KDM4E: variants seen among roughly 807,000 people sequenced by gnomAD.
The protein encoded by KDM4E is lysine demethylase 4E.
For missense variants in KDM4E, 576 were observed against 642.6 expected, an observed-to-expected ratio of 0.90 and a Z score of 1.12; for synonymous variants, 229 against 232.9, an observed-to-expected ratio of 0.98 and a Z score of 0.15.
chr11:95,027,189 C>T lies in KDM4E; in HGVS notation c.*111C>T, dbSNP rs919467321. 1.6e-5 allele frequency: 22 copies of T among 1,374,066 alleles called. No individual in the cohort carries two copies. Among genetic ancestry groups the T allele is most frequent in the Admixed American group, 5.4e-5 (2 of 37,208 alleles). 85.1% of individuals were successfully genotyped at this position (1,374,066 alleles called of 1,614,324 possible). ...TGAAACCATGCACCCTGGCCTGTGC[C>T]TGCTATCCCTCAACAGCACTACTAG... is the stretch of plus-strand genomic sequence containing the variant. On this transcript the variant is annotated 3_prime_UTR_variant, in exon 1 of 1. Transcript: ENST00000450979.
Position 95,026,871 on chromosome 11 carries a change from T to A in KDM4E, c.1314T>A (p.Gly438=), listed in dbSNP as rs1858275623. ...CTTCCACTGGAAGCTGGGGTTCTGG[T>A]CGTGGTCGTGGTCGTGGTCAAGGTC... The part of the protein sequence containing the change: ...LLPSTGSWGS[G]RGRGRGQGQG... The change falls in exon 1 of 1, where the codon GGT becomes GGA. Residue 438 remains glycine (G), a synonymous_variant. Coordinates refer to ENST00000450979, the MANE Select transcript of KDM4E (RefSeq NM_001161630.1). 1.3e-6 allele frequency: 2 copies of A among 1,536,662 alleles called. No homozygotes were observed. Among genetic ancestry groups the A allele is most frequent in the South Asian group, 2.4e-5 (2 of 84,044 alleles).
At position 95,025,637 on chromosome 11, in the gene KDM4E, A is replaced by G. The variant is rs1858252251; in HGVS notation, c.80A>G (p.Asp27Gly). 6.5e-7 allele frequency: 1 copy of G among 1,538,408 alleles called. No individual in the cohort carries two copies. The highest frequency in any genetic ancestry group is 2.0e-5 in the Admixed American group (1 of 51,196). ...TFYPTMEEFA[D>G]FNTYVAYMES... ...TACCCAACCATGGAAGAATTTGCAG[A>G]TTTCAACACATATGTTGCTTACATG... The change falls in exon 1 of 1, where the codon GAT (aspartate) becomes GGT (glycine). Residue 27 changes from aspartate to glycine, a missense_variant. Transcript: ENST00000450979.
In KDM4E at chr11:95,026,522, T is replaced by A. The variant is rs782699574; in HGVS notation, c.965T>A (p.Val322Glu). Reference sequence around the variant, plus strand: ...GTGACCTTTTCCATGGACCCCTTTGTGCGCATTGTGCAACCCGAGAGTTAT... The same window carrying A: ...GTGACCTTTTCCATGGACCCCTTTGAGCGCATTGTGCAACCCGAGAGTTAT... ...STVTFSMDPF[V>E]RIVQPESYEL... Residue 322 changes from valine to glutamate, a missense_variant, in exon 1 of 1, where the codon GTG becomes GAG. By Grantham distance (121) the Val-to-Glu change is moderately radical. Coordinates refer to ENST00000450979, the MANE Select transcript of KDM4E (RefSeq NM_001161630.1). 44 of 1,569,214 alleles carry A rather than the reference T, an allele frequency of 2.8e-5. No homozygotes were observed. In the East Asian group the frequency reaches 1.0e-3, roughly 36 times the overall value.
Position 95,027,009 on chromosome 11 carries a change from G to T in KDM4E, c.1452G>T (p.Arg484Ser). 3.9e-6 allele frequency: 6 copies of T among 1,537,226 alleles called. No homozygotes were observed. The highest frequency in any genetic ancestry group is 5.2e-6 in the Non-Finnish European group (6 of 1,146,910). ...AGAGGCGCCTTTTAATGGGTACAAG[G>T]AGTAGAGCTCAAGGCCACAGGCCTC... ...ASKRRLLMGT[R>S]SRAQGHRPQL... Residue 484 changes from arginine (R) to serine (S), a missense_variant, in exon 1 of 1, where the codon AGG becomes AGT. Physicochemically the swap from Arg to Ser is moderately radical, Grantham distance 110. Coordinates refer to ENST00000450979, the MANE Select transcript of KDM4E (RefSeq NM_001161630.1).
Position 95,026,616 on chromosome 11 carries a change from A to G in KDM4E, c.1059A>G (p.Gln353=). The stretch of plus-strand genomic sequence containing the variant: ...CAGAGCCCAGGGTTGCAGAAAGCCA[A>G]GAGCTGAGCAACTGGAGAGATGATA... ...EHTEPRVAES[Q]ELSNWRDDIV... is the part of the protein sequence containing the mutation. Residue 353 remains glutamine (Q), a synonymous_variant, in exon 1 of 1, where the codon CAA becomes CAG. Transcript: ENST00000450979. 6.5e-7 allele frequency: 1 copy of G among 1,537,354 alleles called. No individual in the cohort carries two copies. Among genetic ancestry groups the G allele is most frequent in the Non-Finnish European group, 8.7e-7 (1 of 1,146,942 alleles).
In KDM4E at chr11:95,027,247, C is replaced by T. The variant is rs782791017; in HGVS notation, c.*169C>T. 1.3e-5 allele frequency: 12 copies of T among 934,134 alleles called. No individual in the cohort carries two copies. The highest frequency in any genetic ancestry group is 1.7e-5 in the African/African-American group (1 of 60,118). 57.9% of individuals were successfully genotyped at this position (934,134 alleles called of 1,614,324 possible). Reference sequence around the variant, plus strand: ...CCTGATGTTGTCTGCATGACTCCTCCCAATGTCATTGTGCCTTTGATTAAG... The same window carrying T: ...CCTGATGTTGTCTGCATGACTCCTCTCAATGTCATTGTGCCTTTGATTAAG... On this transcript the variant is annotated 3_prime_UTR_variant, in exon 1 of 1. Transcript: ENST00000450979.
rs1230109610 is a variant in KDM4E, at chr11:95,026,059, G to A, written c.502G>A (p.Val168Ile). ...CCTGTTGGAGCAGGAATGTGGGGTT[G>A]TCATCGAGGGTGTCAACACACCCTA... is the stretch of plus-strand genomic sequence containing the variant. ...LDLLEQECGV[V>I]IEGVNTPYLY... Residue 168 changes from valine to isoleucine, a missense_variant, in exon 1 of 1, where the codon GTC becomes ATC. Transcript: ENST00000450979. The A allele has an allele frequency of 6.2e-7, 1 of 1,613,500 alleles. No homozygotes were observed. The highest frequency in any genetic ancestry group is 1.3e-5 in the African/African-American group (1 of 74,898).
rs1027047513 is a variant in KDM4E, at chr11:95,025,589, C to T, written c.32C>T (p.Thr11Met). ...TCTGTGCACTCCAGTCCCCAGAACA[C>T]GAGTCATACCATCATGACGTTTTAC... MKSVHSSPQN[T>M]SHTIMTFYPT... Residue 11 changes from threonine to methionine, a missense_variant, in exon 1 of 1, where the codon ACG (threonine) becomes ATG (methionine). Physicochemically the swap from Thr to Met is moderately conservative, Grantham distance 81. Coordinates refer to ENST00000450979, the MANE Select transcript of KDM4E (RefSeq NM_001161630.1). 2.3e-5 allele frequency: 35 copies of T among 1,535,050 alleles called. No homozygotes were observed. The highest frequency in any genetic ancestry group is 1.5e-4 in the East Asian group (6 of 40,906).
In KDM4E at chr11:95,026,888, G is replaced by A; in HGVS notation, c.1331G>A (p.Gly444Asp). 1 of 1,537,176 alleles carries A rather than the reference G, an allele frequency of 6.5e-7. No homozygotes were observed. Among genetic ancestry groups the A allele is most frequent in the Non-Finnish European group, 8.7e-7 (1 of 1,146,898 alleles). ...GGTTCTGGTCGTGGTCGTGGTCGTG[G>A]TCAAGGTCAAGGTCGAGGTTGCAGT... is the stretch of plus-strand genomic sequence containing the variant. The part of the protein sequence containing the change: ...SWGSGRGRGR[G>D]QGQGRGCSRG... The change falls in exon 1 of 1, where the codon GGT becomes GAT. Residue 444 changes from glycine to aspartate, a missense_variant. Transcript: ENST00000450979.
rs1375017573 is a variant in KDM4E, at chr11:95,025,318, G to A, written c.-240G>A. 2 of 486,000 alleles carry A rather than the reference G, an allele frequency of 4.1e-6. No individual in the cohort carries two copies. The highest frequency in any genetic ancestry group is 3.4e-5 in the East Asian group (1 of 29,418). 30.1% of individuals were successfully genotyped at this position (486,000 alleles called of 1,614,324 possible). On this transcript the variant is annotated 5_prime_UTR_variant, in exon 1 of 1. Coordinates refer to ENST00000450979, the MANE Select transcript of KDM4E (RefSeq NM_001161630.1). ...ACCCCCAACTGAGGAAACTCACAGA[G>A]CTGGGACATACTCTACTTCTTCAGA...
Position 95,025,488 on chromosome 11 carries a change from C to A in KDM4E, c.-70C>A. The stretch of plus-strand genomic sequence containing the variant: ...AAAACAAAGGGGAGAAAAGAAATTA[C>A]TCCCCAGAACTCTCAGGCATCTAGA... On this transcript the variant is annotated 5_prime_UTR_variant, in exon 1 of 1. Transcript: ENST00000450979. The A allele has an allele frequency of 2.8e-6, 4 of 1,444,554 alleles. No homozygotes were observed. The South Asian group carries it at 4.4e-5, about 16-fold the overall frequency. 89.5% of individuals were successfully genotyped at this position (1,444,554 alleles called of 1,614,324 possible).
In KDM4E at chr11:95,026,437, A is replaced by G. The variant is rs1052439698; in HGVS notation, c.880A>G (p.Thr294Ala). The stretch of plus-strand genomic sequence containing the variant: ...CTGCGCAGAAGCCATTAATTTTGCC[A>G]CTCCACGATGGATTGATTATGGCAA... ...FNCAEAINFATPRWIDYGKMA... is the reference protein window; with the variant it reads ...FNCAEAINFAAPRWIDYGKMA... The change falls in exon 1 of 1, where the codon ACT (threonine) becomes GCT (alanine). Residue 294 changes from threonine (T) to alanine (A), a missense_variant. By Grantham distance (58) the Thr-to-Ala change is moderately conservative. Transcript: ENST00000450979. 18 of 1,611,624 alleles carry G rather than the reference A, an allele frequency of 1.1e-5. No homozygotes were observed. The highest frequency in any genetic ancestry group is 1.5e-5 in the Non-Finnish European group (18 of 1,179,948).
chr11:95,027,064 A>G lies in KDM4E; in HGVS notation c.1507A>G (p.Asn503Asp), dbSNP rs188698061. ...CCCGCTTGCCAATGATTTGATGACA[A>G]ATCTGTCCCTTTGAGTGGTGGCCTT... is the stretch of plus-strand genomic sequence containing the variant. ...QLPLANDLMT[N>D]LSL is the part of the protein sequence containing the mutation. The change falls in exon 1 of 1, where the codon AAT becomes GAT. Residue 503 changes from asparagine (N) to aspartate (D), a missense_variant. Physicochemically the swap from Asn to Asp is conservative, Grantham distance 23. Transcript: ENST00000450979. 1.8e-5 allele frequency: 28 copies of G among 1,536,882 alleles called. No homozygotes were observed. Among genetic ancestry groups the G allele is most frequent in the Non-Finnish European group, 2.3e-5 (26 of 1,146,702 alleles).
chr11:95,026,302 A>G lies in KDM4E; in HGVS notation c.745A>G (p.Thr249Ala), dbSNP rs1333588406. The change falls in exon 1 of 1, where the codon ACA becomes GCA. Residue 249 changes from threonine to alanine, a missense_variant. Physicochemically the swap from Thr to Ala is moderately conservative, Grantham distance 58. Coordinates refer to ENST00000450979, the MANE Select transcript of KDM4E (RefSeq NM_001161630.1). ...LRHKVALISP[T>A]VLKENGIPFN... ...GCACAAAGTGGCCCTCATCTCGCCT[A>G]CAGTTCTCAAGGAAAATGGGATTCC... is the stretch of plus-strand genomic sequence containing the variant. 6.2e-7 allele frequency: 1 copy of G among 1,614,030 alleles called. No homozygotes were observed. The highest frequency in any genetic ancestry group is 1.7e-5 in the Admixed American group (1 of 60,014).
Position 95,026,521 on chromosome 11 carries a change from G to A in KDM4E, c.964G>A (p.Val322Met). 10 of 1,569,092 alleles carry A rather than the reference G, an allele frequency of 6.4e-6. No homozygotes were observed. The highest frequency in any genetic ancestry group is 6.9e-6 in the Non-Finnish European group (8 of 1,163,278). The change falls in exon 1 of 1, where the codon GTG (valine) becomes ATG (methionine). Residue 322 changes from valine to methionine, a missense_variant. Val to Met is a conservative substitution (Grantham distance 21). Coordinates refer to ENST00000450979, the MANE Select transcript of KDM4E (RefSeq NM_001161630.1). ...AGTGACCTTTTCCATGGACCCCTTTGTGCGCATTGTGCAACCCGAGAGTTA... is the reference window on the plus strand; with the variant it reads ...AGTGACCTTTTCCATGGACCCCTTTATGCGCATTGTGCAACCCGAGAGTTA... Reference protein sequence around the residue: ...STVTFSMDPFVRIVQPESYEL... With the variant: ...STVTFSMDPFMRIVQPESYEL...
Position 95,026,305 on chromosome 11 carries a change from G to A in KDM4E, c.748G>A (p.Val250Ile). The change falls in exon 1 of 1, where the codon GTT (valine) becomes ATT (isoleucine). Residue 250 changes from valine (V) to isoleucine (I), a missense_variant. By Grantham distance (29) the Val-to-Ile change is conservative. Coordinates refer to ENST00000450979, the MANE Select transcript of KDM4E (RefSeq NM_001161630.1). ...RHKVALISPTVLKENGIPFNC... is the reference protein window; with the variant it reads ...RHKVALISPTILKENGIPFNC... ...CAAAGTGGCCCTCATCTCGCCTACAGTTCTCAAGGAAAATGGGATTCCCTT... is the reference window on the plus strand; with the variant it reads ...CAAAGTGGCCCTCATCTCGCCTACAATTCTCAAGGAAAATGGGATTCCCTT... 1 of 1,614,052 alleles carries A rather than the reference G, an allele frequency of 6.2e-7. No homozygotes were observed. The highest frequency in any genetic ancestry group is 2.2e-5 in the East Asian group (1 of 44,868).
At position 95,026,085 on chromosome 11, in the gene KDM4E, C is replaced by T. The variant is rs574245774; in HGVS notation, c.528C>T (p.Tyr176=). 5 of 1,614,042 alleles carry T rather than the reference C, an allele frequency of 3.1e-6. No individual in the cohort carries two copies. In the East Asian group the frequency reaches 8.9e-5, roughly 29 times the overall value. ...TCATCGAGGGTGTCAACACACCCTA[C>T]CTGTACTTTGGCATGTGGAAGACCA... ...GVVIEGVNTP[Y]LYFGMWKTTF... Residue 176 remains tyrosine (Y), a synonymous_variant, in exon 1 of 1, where the codon TAC becomes TAT. Coordinates refer to ENST00000450979, the MANE Select transcript of KDM4E (RefSeq NM_001161630.1).
rs782336870 is a variant in KDM4E, at chr11:95,026,001, A to G, written c.444A>G (p.Gln148=). Residue 148 remains glutamine (Q), a synonymous_variant, in exon 1 of 1, where the codon CAA becomes CAG. Transcript: ENST00000450979. The stretch of plus-strand genomic sequence containing the variant: ...CCTTATTTGAAGAAAGCACTAAACA[A>G]TGGAACCTAGGACACCTGGGAACAA... ...SGSLFEESTK[Q]WNLGHLGTIL... 25 of 1,605,646 alleles carry G rather than the reference A, an allele frequency of 1.6e-5. No individual in the cohort carries two copies. The Middle Eastern group carries it at 4.9e-4, about 32-fold the overall frequency.
rs1555102859 is a variant in KDM4E, at chr11:95,026,463, A to C, written c.906A>C (p.Lys302Asn). Residue 302 changes from lysine (K) to asparagine (N), a missense_variant, in exon 1 of 1, where the codon AAA becomes AAC. Lys to Asn is a moderately conservative substitution (Grantham distance 94). Transcript: ENST00000450979. Reference sequence around the variant, plus strand: ...CTCCACGATGGATTGATTATGGCAAAATGGCCTCTCAGTGTAGCTGTGGGG... The same window carrying C: ...CTCCACGATGGATTGATTATGGCAACATGGCCTCTCAGTGTAGCTGTGGGG... The part of the protein sequence containing the change: ...FATPRWIDYG[K>N]MASQCSCGES... 1 of 1,608,790 alleles carries C rather than the reference A, an allele frequency of 6.2e-7. No individual in the cohort carries two copies. The highest frequency in any genetic ancestry group is 1.1e-5 in the South Asian group (1 of 90,900).
Sources: gnomAD v4.1 joint callset for allele counts on GRCh38, gnomAD v4.1.1 for gene constraint, MANE v1.5 for transcripts, NCBI Gene and HGNC (gene_info 2026-07-23, HGNC 2026-07-21) for gene names.